Variants in TMEM238 observed in about 807,000 individuals in gnomAD.
The protein encoded by TMEM238 is transmembrane protein 238.
For missense variants in TMEM238, 169 were observed against 206.8 expected (o/e 0.82, Z 1.12); for synonymous variants, 103 against 111.5 (o/e 0.92, Z 0.48).
chr19:55,384,093 A>G lies in TMEM238; in HGVS notation c.167T>C (p.Val56Ala). 6.8e-7 allele frequency: 1 copy of G among 1,468,034 alleles called. No homozygotes were observed. The highest frequency in any genetic ancestry group is 9.0e-7 in the Non-Finnish European group (1 of 1,106,638). The allele number at this position is 1,468,034 out of a possible 1,614,324, so 90.9% of individuals were successfully genotyped here. A position where few individuals can be genotyped will look rare whatever the true frequency, so the allele number is the denominator to read the frequency against. ...VAGMAALLTG[V>A]FAQLQVRGRD... ...GCCGCGCACCTGCAGCTGCGCGAAC[A>G]CGCCGGTCAGCAGCGCCGCCATGCC... The change falls in exon 1 of 2, where the codon GTG (valine) becomes GCG (alanine). Residue 56 changes from valine to alanine, a missense_variant. Transcript: ENST00000444469. This position sits in a 1 kb window ranked among gnomAD's most constrained non-coding sequence, Gnocchi z 5.6.
In TMEM238 at chr19:55,384,171, C is replaced by A. The variant is rs189206666; in HGVS notation, c.89G>T (p.Gly30Val). The A allele has an allele frequency of 0.023, 28,412 of 1,222,044 alleles. 365 individuals carry two copies. Among genetic ancestry groups the A allele is most frequent in the Middle Eastern group, 0.028 (88 of 3,114 alleles). The allele number at this position is 1,222,044 out of a possible 1,614,324, so 75.7% of individuals were successfully genotyped here. A position where few individuals can be genotyped will look rare whatever the true frequency, so the allele number is the denominator to read the frequency against. The change falls in exon 1 of 2, where the codon GGC becomes GTC. Residue 30 changes from glycine to valine, a missense_variant. Transcript: ENST00000444469. This position sits in a 1 kb window ranked among gnomAD's most constrained non-coding sequence, Gnocchi z 5.6. The stretch of plus-strand genomic sequence containing the variant: ...CAGCGCCATCCGGCAGCGGCCCAGG[C>A]CGGCCGCGGGTGCTGGCGCGGCCGC... The part of the protein sequence containing the change: ...APAAAPAPAA[G>V]LGRCRMALLL...
chr19:55,383,544 T>A lies in TMEM238; in HGVS notation c.*7+178A>T, dbSNP rs1444944551. Among the ~76,000 whole-genome samples the A allele has an allele frequency of 6.6e-6, 1 of 152,144 alleles. No individual in the cohort carries two copies. The highest frequency in any genetic ancestry group is 6.5e-5 in the Admixed American group (1 of 15,278). On this transcript the variant is annotated intron_variant, in intron 1 of 1. Coordinates refer to ENST00000444469, the MANE Select transcript of TMEM238 (RefSeq NM_001190764.2). This position sits in a 1 kb window ranked among gnomAD's most constrained non-coding sequence, Gnocchi z 4.9. ...GCCTCCCCCACGTATGCACCTGTGC[T>A]TGCTGTGTCTGCGGTTCTCCGCCAG...
chr19:55,381,418 CAAAAAAA>C (rs56902543), intron 1 of TMEM238, among the ~76,000 whole-genome samples: 9 of 53,532 alleles, frequency 1.7e-4, no homozygotes, highest in Non-Finnish European at 2.6e-4. Flanking sequence ...AACTCCATCT[CAAAAAAA>C]AAAAAAAAAA....
At chr19:55,380,264 C>T in intron 1 of TMEM238, among the ~76,000 whole-genome samples, 1 of 123,406 alleles carries the variant, frequency 8.1e-6, no homozygotes, top group Non-Finnish European at 1.7e-5. Context: ...AAAGGATTCT[C>T]CTCTCCTCCC....
At position 55,383,497 on chromosome 19, in the gene TMEM238, T is replaced by C. The variant is rs1011481730; in HGVS notation, c.*7+225A>G. 1.8e-4 allele frequency among the ~76,000 whole-genome samples: 28 copies of C among 152,102 alleles called. No homozygotes were observed. The highest frequency in any genetic ancestry group is 3.7e-4 in the Non-Finnish European group (25 of 68,006). On this transcript the variant is annotated intron_variant, in intron 1 of 1. Transcript: ENST00000444469. The surrounding 1 kb of genome is among the most constrained non-coding windows in gnomAD (Gnocchi z 4.9). ...TGTGACTCGACCCCCACACTTCCCA[T>C]CTCCAGGGGCAGGGTCTCACAGCCT...
At position 55,383,182 on chromosome 19, in the gene TMEM238, C is replaced by T. The variant is rs562383770; in HGVS notation, c.*7+540G>A. On this transcript the variant is annotated intron_variant, in intron 1 of 1. Transcript: ENST00000444469. This position sits in a 1 kb window ranked among gnomAD's most constrained non-coding sequence, Gnocchi z 4.9. ...CATGAGCTCAGGAGGTGGGGACCAA[C>T]CTGGCCCACATGGCAAAACCCCGTC... 4.6e-5 allele frequency among the ~76,000 whole-genome samples: 7 copies of T among 152,166 alleles called. No individual in the cohort carries two copies. The highest frequency in any genetic ancestry group is 2.1e-4 in the South Asian group (1 of 4,822).
intron 1 of TMEM238, among the ~76,000 whole-genome samples, chr19:55,379,633 C>A (rs1357746727): frequency 6.6e-6 from 1 of 152,052 alleles, no homozygotes; most frequent in Admixed American, 6.5e-5. Flanking sequence ...CGAAGACATG[C>A]AGAAGGGGAA....
At position 55,384,150 on chromosome 19, in the gene TMEM238, G is replaced by C. The variant is rs1420586052; in HGVS notation, c.110C>G (p.Ala37Gly). Residue 37 changes from alanine (A) to glycine (G), a missense_variant, in exon 1 of 2, where the codon GCG (alanine) becomes GGG (glycine). Ala to Gly is a moderately conservative substitution (Grantham distance 60). Transcript: ENST00000444469. This position sits in a 1 kb window ranked among gnomAD's most constrained non-coding sequence, Gnocchi z 5.6. ...PAAGLGRCRMALLLAVALDVA... is the reference protein window; with the variant it reads ...PAAGLGRCRMGLLLAVALDVA... ...ATCCAGCGCCACGGCCAGCAGCAGC[G>C]CCATCCGGCAGCGGCCCAGGCCGGC... 1 of 1,390,468 alleles carries C rather than the reference G, an allele frequency of 7.2e-7. No homozygotes were observed. Among genetic ancestry groups the C allele is most frequent in the Non-Finnish European group, 9.4e-7 (1 of 1,060,804 alleles). 86.1% of individuals were successfully genotyped at this position (1,390,468 alleles called of 1,614,324 possible).
chr19:55,380,639 G>A (rs1378780071), intron 1 of TMEM238, among the ~76,000 whole-genome samples: 1 of 151,286 alleles, frequency 6.6e-6, no homozygotes, highest in Admixed American at 6.6e-5. Flanking sequence ...TTGCCAGGTT[G>A]GTCTCGAACT....
At chr19:55,381,345 G>C (rs2089885910) in intron 1 of TMEM238, among the ~76,000 whole-genome samples, 2 of 146,926 alleles carry the variant, frequency 1.4e-5, no homozygotes, top group South Asian at 4.3e-4. Flanking sequence ...TTGAACGCGG[G>C]AGGCAGAGGT....
Position 55,384,107 on chromosome 19 carries a change from C to G in TMEM238, c.153G>C (p.Ala51=). 6.9e-7 allele frequency: 1 copy of G among 1,454,828 alleles called. No homozygotes were observed. Among genetic ancestry groups the G allele is most frequent in the Non-Finnish European group, 9.1e-7 (1 of 1,098,542 alleles). The allele number at this position is 1,454,828 out of a possible 1,614,324, so 90.1% of individuals were successfully genotyped here. Residue 51 remains alanine (A), a synonymous_variant, in exon 1 of 2, where the codon GCG becomes GCC. Transcript: ENST00000444469. This position sits in a 1 kb window ranked among gnomAD's most constrained non-coding sequence, Gnocchi z 5.6. ...AVALDVAGMA[A]LLTGVFAQLQ... ...GCTGCGCGAACACGCCGGTCAGCAG[C>G]GCCGCCATGCCCGCCACATCCAGCG...
rs2089896417 is a variant in TMEM238 at position 55,383,873 on chromosome 19, CGCGGCGGCGGGCGCCGACCA to C, written c.367_386del (p.Trp123GlyfsTer?). Reference sequence around the variant, plus strand: ...GGGAGCCGGGCGCGGGGCGCTGGCCCGCGGCGGCGGGCGCCGACCAGCGGCGGGAGAGCTTGCGCGCCAGG... The same window carrying C: ...GGGAGCCGGGCGCGGGGCGCTGGCCCGCGGCGGGAGAGCTTGCGCGCCAGG... On this transcript the variant is annotated frameshift_variant, in exon 1 of 2. Transcript: ENST00000444469. LOFTEE classifies it low-confidence loss of function (END_TRUNC). The surrounding 1 kb of genome is among the most constrained non-coding windows in gnomAD (Gnocchi z 4.9). 7 of 1,006,786 alleles carry C rather than the reference CGCGGCGGCGGGCGCCGACCA, an allele frequency of 7.0e-6. No homozygotes were observed. Among genetic ancestry groups the C allele is most frequent in the Non-Finnish European group, 8.4e-6 (7 of 831,740 alleles). The allele number at this position is 1,006,786 out of a possible 1,614,324, so 62.4% of individuals were successfully genotyped here.
chr19:55,383,201 C>G lies in TMEM238; in HGVS notation c.*7+521G>C, dbSNP rs2089892915. ...GACCAACCTGGCCCACATGGCAAAA[C>G]CCCGTCTCTACTAAATATACAAAAA... On this transcript the variant is annotated intron_variant, in intron 1 of 1. Coordinates refer to ENST00000444469, the MANE Select transcript of TMEM238 (RefSeq NM_001190764.2). This position sits in a 1 kb window ranked among gnomAD's most constrained non-coding sequence, Gnocchi z 4.9. Among the ~76,000 whole-genome samples, 1 of 152,174 alleles carries G rather than the reference C, an allele frequency of 6.6e-6. No individual in the cohort carries two copies. The highest frequency in any genetic ancestry group is 1.5e-5 in the Non-Finnish European group (1 of 68,028).
intron 1 of TMEM238, among the ~76,000 whole-genome samples, chr19:55,382,789 A>G (rs1040122069): frequency 2.0e-5 from 3 of 152,144 alleles, no homozygotes; most frequent in Non-Finnish European, 2.9e-5. Context: ...TAGAGGGGAA[A>G]GGGGAGTGAA....
At chr19:55,379,436 C>CT in intron 1 of TMEM238, 69 bp from the exon 2 acceptor site, 1 of 152,274 alleles carries the variant, frequency 6.6e-6, no homozygotes, top group Admixed American at 6.5e-5. Context: ...GGCTCTCTGC[C>CT]TGCGGGGGCA....
intron 1 of TMEM238, among the ~76,000 whole-genome samples, chr19:55,382,899 C>T (rs2089891981): frequency 6.6e-6 from 1 of 152,208 alleles, no homozygotes. Flanking sequence ...CCTAGGCCTA[C>T]AGGTCAGGAG....
chr19:55,383,750 C>T lies in TMEM238; in HGVS notation c.510G>A (p.Ala170=). Residue 170 remains alanine, a synonymous_variant, in exon 1 of 2, where the codon GCG becomes GCA. Transcript: ENST00000444469. This position sits in a 1 kb window ranked among gnomAD's most constrained non-coding sequence, Gnocchi z 4.9. ...GGCCTCACTCGCTGCCCGCGCCCGC[C>T]GCCCCGGGCCCGGCCTCGAGCGTGG... is the stretch of plus-strand genomic sequence containing the variant. ...QLATLEAGPG[A]AGAGSE The T allele has an allele frequency of 3.8e-6, 1 of 261,938 alleles. No homozygotes were observed. The highest frequency in any genetic ancestry group is 7.1e-6 in the Non-Finnish European group (1 of 141,304). The allele number at this position is 261,938 out of a possible 1,614,324, so 16.2% of individuals were successfully genotyped here.
At chr19:55,380,557 T>G (rs2123262181) in intron 1 of TMEM238, among the ~76,000 whole-genome samples, 1 of 150,098 alleles carries the variant, frequency 6.7e-6, no homozygotes, top group African/African-American at 2.5e-5. Context: ...CCCTAGTAGC[T>G]GGGATTACAG....
At chr19:55,380,269 C>T (rs368557095) in intron 1 of TMEM238, among the ~76,000 whole-genome samples, 7 of 79,836 alleles carry the variant, frequency 8.8e-5, no homozygotes, top group African/African-American at 3.9e-4. Context: ...ATTCTCCTCT[C>T]CTCCCCTCCC....
Sources: gnomAD v4.1 joint callset for allele counts (sites outside exome capture counted in the v4.1 genomes callset) on GRCh38, gnomAD v4.1.1 for gene constraint, Gnocchi (gnomAD v3.1) non-coding constraint, MANE v1.5 for transcripts, NCBI Gene and HGNC (gene_info 2026-07-23, HGNC 2026-07-21) for gene names.